Variants in NSD3 observed in about 807,000 individuals in gnomAD.
NSD3 encodes histone-lysine N-methyltransferase NSD3.
In NSD3, 24 loss-of-function variants were observed where a neutral mutation model predicts 160.8. The ratio of observed to expected loss-of-function variants is 0.15; its 90% CI spans 0.11 to 0.21. NSD3 has a LOEUF of 0.21. Among genes scored for constraint, NSD3 ranks in the 10% least tolerant of loss-of-function variants. The pLI is 1.00. For synonymous variants in NSD3, 520 were observed against 600.0 expected, an observed-to-expected ratio of 0.87 and a Z score of 1.95; for missense variants, 1,157 against 1,735.9, an observed-to-expected ratio of 0.67 and a Z score of 5.93.
At position 38,277,991 on chromosome 8, in the gene NSD3, T is replaced by G. The variant is rs180985872; in HGVS notation, c.3867+315A>C. Among the ~76,000 whole-genome samples, 480 of 149,730 alleles carry G rather than the reference T, an allele frequency of 3.2e-3. 3 individuals carry two copies. The highest frequency in any genetic ancestry group is 5.0e-3 in the Non-Finnish European group (340 of 67,606). ...TCTTGCACTGTCACCCAGGCTGGAG[T>G]GCAGTGGTGCGATCTTGGCTCACTG... On this transcript the variant is annotated intron_variant, in intron 22 of 23. Coordinates refer to ENST00000317025, the MANE Select transcript of NSD3 (RefSeq NM_023034.2).
intron 2 of NSD3, among the ~76,000 whole-genome samples, chr8:38,341,323 T>C (rs1007093505): frequency 1.3e-5 from 2 of 152,022 alleles, no homozygotes; most frequent in South Asian, 2.1e-4. Context: ...GTAAATCACG[T>C]GGTCAGGAGT....
intron 1 of NSD3, among the ~76,000 whole-genome samples, chr8:38,351,355 C>T (rs971679520): frequency 7.3e-5 from 11 of 151,542 alleles, no homozygotes; most frequent in African/African-American, 1.9e-4. Flanking sequence ...ATTGTAGCTT[C>T]CTAGAATACT....
chr8:38,338,192 C>T (rs957500703), intron 3 of NSD3, among the ~76,000 whole-genome samples: 2 of 151,744 alleles, frequency 1.3e-5, no homozygotes, highest in African/African-American at 2.4e-5. Context: ...CCCAGCTATT[C>T]GGCAAGCTGA....
intron 20 of NSD3, among the ~76,000 whole-genome samples, chr8:38,280,621 C>A (rs972158414): frequency 6.6e-6 from 1 of 152,104 alleles, no homozygotes; most frequent in Admixed American, 6.5e-5. Flanking sequence ...GCTTCTTGTC[C>A]TCTGTAAATC....
At chr8:38,313,529 T>TA (rs967462735) in intron 12 of NSD3, among the ~76,000 whole-genome samples, 8 of 147,966 alleles carry the variant, frequency 5.4e-5, no homozygotes, top group Non-Finnish European at 9.0e-5. Context: ...AGTGTTCAGT[T>TA]AAAAAAAAAA....
intron 4 of NSD3, among the ~76,000 whole-genome samples, chr8:38,331,833 C>T (rs957345745): frequency 2.3e-5 from 3 of 131,306 alleles, no homozygotes; most frequent in African/African-American, 7.5e-5. Context: ...TGTCTCAAAA[C>T]AAAACAAAAC....
In NSD3 at chr8:38,318,746, A is replaced by T; in HGVS notation, c.1855+149T>A. Reference sequence around the variant, plus strand: ...ATAAGATCAACTCTAAAAGTCACACACACACACGAACACTGGGGAATACTG... The same window carrying T: ...ATAAGATCAACTCTAAAAGTCACACTCACACACGAACACTGGGGAATACTG... On this transcript the variant is annotated intron_variant, in intron 9 of 23. Transcript: ENST00000317025. The surrounding 1 kb of genome is among the most constrained non-coding windows in gnomAD (Gnocchi z 5.3). The T allele has an allele frequency of 1.4e-6, 1 of 707,028 alleles. No individual in the cohort carries two copies. The highest frequency in any genetic ancestry group is 2.4e-6 in the Non-Finnish European group (1 of 408,378). The allele number at this position is 707,028 out of a possible 1,614,324, so 43.8% of individuals were successfully genotyped here. A position where few individuals can be genotyped will look rare whatever the true frequency, so the allele number is the denominator to read the frequency against.
In NSD3 at chr8:38,275,543, G is replaced by A. The variant is rs1460309238; in HGVS notation, c.*98C>T. ...ATTTTTGCTTTAATAAGGCAGTTCCGATGGCAAAGGCTGTATGCACTGTAG... is the reference window on the plus strand; with the variant it reads ...ATTTTTGCTTTAATAAGGCAGTTCCAATGGCAAAGGCTGTATGCACTGTAG... On this transcript the variant is annotated 3_prime_UTR_variant, in exon 24 of 24. Coordinates refer to ENST00000317025, the MANE Select transcript of NSD3 (RefSeq NM_023034.2). The A allele has an allele frequency of 4.1e-6, 5 of 1,219,162 alleles. No homozygotes were observed. Among genetic ancestry groups the A allele is most frequent in the African/African-American group, 1.5e-5 (1 of 65,178 alleles). 75.5% of individuals were successfully genotyped at this position (1,219,162 alleles called of 1,614,324 possible). A position where few individuals can be genotyped will look rare whatever the true frequency, so the allele number is the denominator to read the frequency against.
chr8:38,337,287 G>C lies in NSD3; in HGVS notation c.910+18C>G, dbSNP rs778605828. 1 of 1,586,066 alleles carries C rather than the reference G, an allele frequency of 6.3e-7. No homozygotes were observed. Among genetic ancestry groups the C allele is most frequent in the Admixed American group, 1.9e-5 (1 of 53,406 alleles). ...ATTTCCAACCTTTTACTTAGTATCTGTTTATGCCTTTTCTTACCTCTTGTG... is the reference window on the plus strand; with the variant it reads ...ATTTCCAACCTTTTACTTAGTATCTCTTTATGCCTTTTCTTACCTCTTGTG... On this transcript the variant is annotated intron_variant, in intron 4 of 23. Coordinates refer to ENST00000317025, the MANE Select transcript of NSD3 (RefSeq NM_023034.2).
At chr8:38,301,029 G>A (rs972936175) in intron 14 of NSD3, among the ~76,000 whole-genome samples, 1 of 152,090 alleles carries the variant, frequency 6.6e-6, no homozygotes, top group Admixed American at 6.5e-5. Flanking sequence ...GGAGTCCAGT[G>A]GCAGATCACA....
chr8:38,296,004 G>T (rs770765536), intron 15 of NSD3, 52 bp from the exon 16 acceptor site: 1 of 1,508,942 alleles, frequency 6.6e-7, no homozygotes, highest in East Asian at 2.4e-5. Context: ...GAGAGAAAAA[G>T]AAAGAAAAAG....
At chr8:38,361,153 C>T (rs181578447) in intron 1 of NSD3, among the ~76,000 whole-genome samples, 8 of 152,192 alleles carry the variant, frequency 5.3e-5, no homozygotes, top group African/African-American at 1.9e-4. Flanking sequence ...GCCACCAAGC[C>T]CAGCTAATTT....
rs181897868 is a variant in NSD3, at chr8:38,277,341, G to A, written c.3868-841C>T. 1.6e-3 allele frequency among the ~76,000 whole-genome samples: 247 copies of A among 152,280 alleles called. 2 individuals carry two copies. The highest frequency in any genetic ancestry group is 5.6e-3 in the African/African-American group (232 of 41,564). ...CGCCCATGTTGAAGTGCAATGGCGC[G>A]ACCTTGGCTCACTGCAACCTCTGCC... On this transcript the variant is annotated intron_variant, in intron 22 of 23. Transcript: ENST00000317025.
At chr8:38,331,770 C>G (rs1345727247) in intron 4 of NSD3, among the ~76,000 whole-genome samples, 185 bp from the exon 5 acceptor site, 1 of 152,194 alleles carries the variant, frequency 6.6e-6, no homozygotes, top group Non-Finnish European at 1.5e-5. Context: ...AAAATCACCA[C>G]AAATAATTGA....
At chr8:38,376,050 C>G (rs1811380283) in intron 1 of NSD3, among the ~76,000 whole-genome samples, 1 of 151,954 alleles carries the variant, frequency 6.6e-6, no homozygotes, top group African/African-American at 2.4e-5. Flanking sequence ...AACTTGTTTT[C>G]AAATAGGGAT....
At chr8:38,350,137 G>A (rs1032374280) in intron 1 of NSD3, among the ~76,000 whole-genome samples, 6 of 152,082 alleles carry the variant, frequency 3.9e-5, no homozygotes, top group Non-Finnish European at 7.4e-5. Flanking sequence ...GTACTGCCGC[G>A]ATAAACATAT....
chr8:38,359,707 G>C (rs906930374), intron 1 of NSD3, among the ~76,000 whole-genome samples: 1 of 152,170 alleles, frequency 6.6e-6, no homozygotes, highest in Non-Finnish European at 1.5e-5. Flanking sequence ...ACAACTCAAT[G>C]TTAACTTTCA....
chr8:38,279,036 G>T (rs1281281084), intron 21 of NSD3, among the ~76,000 whole-genome samples: 1 of 152,210 alleles, frequency 6.6e-6, no homozygotes, highest in Non-Finnish European at 1.5e-5. Context: ...TTGTTCAGAT[G>T]CTGGATAGGT....
Position 38,296,013 on chromosome 8 carries a change from A to G in NSD3, c.2759-61T>C. 4 of 1,483,552 alleles carry G rather than the reference A, an allele frequency of 2.7e-6. No homozygotes were observed. In the South Asian group the frequency reaches 5.2e-5, roughly 19 times the overall value. 91.9% of individuals were successfully genotyped at this position (1,483,552 alleles called of 1,614,324 possible). Reference sequence around the variant, plus strand: ...AGAGGAGAGAGAAAAAGAAAGAAAAAGGAGAAAGTTATCTTTTCAGCACAT... The same window carrying G: ...AGAGGAGAGAGAAAAAGAAAGAAAAGGGAGAAAGTTATCTTTTCAGCACAT... On this transcript the variant is annotated intron_variant, in intron 15 of 23. Transcript: ENST00000317025.
Sources: gnomAD v4.1 joint callset for allele counts (sites outside exome capture counted in the v4.1 genomes callset) on GRCh38, gnomAD v4.1.1 for gene constraint, Gnocchi (gnomAD v3.1) non-coding constraint, MANE v1.5 for transcripts, NCBI Gene and HGNC (gene_info 2026-07-23, HGNC 2026-07-21) for gene names.